Variants in SIGLEC12 observed in about 807,000 individuals in gnomAD.
SIGLEC12 encodes the protein sialic acid binding Ig like lectin 12.
SIGLEC12 carries 43 observed loss-of-function variants against 54.1 expected under a neutral mutation model. That is an observed-to-expected ratio of 0.80 (90% CI 0.62 to 1.03). The LOEUF (loss-of-function observed/expected upper bound fraction) is 1.03, where lower values mean the gene tolerates loss of function less well. SIGLEC12 is among the 50% of genes least tolerant of loss of function. SIGLEC12 has a pLI of 0.00. For synonymous variants in SIGLEC12, 357 were observed against 307.6 expected (o/e 1.16, Z -1.68); for missense variants, 802 against 735.2 (o/e 1.09, Z -1.05).
chr19:51,497,046 C>A, intron 6 of SIGLEC12, 70 bp from the exon 7 acceptor site: 1 of 1,610,110 alleles, frequency 6.2e-7, no homozygotes, highest in South Asian at 1.1e-5. Flanking sequence ...CAACCCCTGC[C>A]CTGTATTTCC....
rs1990322242 is a variant in SIGLEC12, at chr19:51,499,168, A to T, written c.1135+2T>A. 6.2e-7 allele frequency: 1 copy of T among 1,613,900 alleles called. No homozygotes were observed. Among genetic ancestry groups the T allele is most frequent in the African/African-American group, 1.3e-5 (1 of 74,902 alleles). On this transcript the variant is annotated splice_donor_variant, in intron 4 of 7. Coordinates refer to ENST00000291707, the MANE Select transcript of SIGLEC12 (RefSeq NM_053003.4). LOFTEE classifies it high-confidence loss of function. ...AGCCCCAGGGAGAGGACTCCATCTT[A>T]CCTGTGCCATCTCCTTGGAAGACAG...
At position 51,498,226 on chromosome 19, in the gene SIGLEC12, A is replaced by G. The variant is rs551035446; in HGVS notation, c.1197T>C (p.Leu399=). ...LSVLEGQSLH[L]VCAVDSNPPA... ...GGGGATTGCTGTCGACAGCACAGACAAGGTGCAGGGACTGGCCCTCCAGGA... is the reference window on the plus strand; with the variant it reads ...GGGGATTGCTGTCGACAGCACAGACGAGGTGCAGGGACTGGCCCTCCAGGA... The change falls in exon 5 of 8, where the codon CTT becomes CTC. Residue 399 remains leucine (L), a synonymous_variant. Transcript: ENST00000291707. 115 of 1,614,118 alleles carry G rather than the reference A, an allele frequency of 7.1e-5. No individual in the cohort carries two copies. In the East Asian group the frequency reaches 2.4e-3, roughly 33 times the overall value.
At chr19:51,497,011 T>A in intron 6 of SIGLEC12, 35 bp from the exon 7 acceptor site, 1 of 1,612,288 alleles carries the variant, frequency 6.2e-7, no homozygotes, top group Non-Finnish European at 8.5e-7. Flanking sequence ...TTCAGTGTGG[T>A]CAGATCGGGG....
chr19:51,493,995 G>C (rs59041340), intron 7 of SIGLEC12, among the ~76,000 whole-genome samples: 1 of 152,068 alleles, frequency 6.6e-6, no homozygotes, highest in Non-Finnish European at 1.5e-5. Flanking sequence ...TCCTGTTCTT[G>C]GCCTTGCTTC....
Position 51,499,719 on chromosome 19 carries a change from G to T in SIGLEC12, c.809-3C>A. On this transcript the variant is annotated splice_region_variant and splice_polypyrimidine_tract_variant and intron_variant, in intron 2 of 7. Transcript: ENST00000291707. ...GAAGGTGGGCATGTGAGTCAGGGCT[G>T]GTGATGAAAGGGAGACAGGCAAAAT... The T allele has an allele frequency of 1.2e-6, 2 of 1,613,548 alleles. No individual in the cohort carries two copies. Among genetic ancestry groups the T allele is most frequent in the Non-Finnish European group, 1.7e-6 (2 of 1,179,774 alleles).
chr19:51,498,327 G>A (rs926746936), intron 4 of SIGLEC12, 40 bp from the exon 5 acceptor site: 1 of 1,531,744 alleles, frequency 6.5e-7, no homozygotes, highest in African/African-American at 1.4e-5. Flanking sequence ...GAGACAAAGT[G>A]ATCGAGGCAG....
rs61412717 is a variant in SIGLEC12 at position 51,495,313 on chromosome 19, G to GTGGATGGATGGA, written c.1599+1555_1599+1566dup. 2.2e-4 allele frequency among the ~76,000 whole-genome samples: 13 copies of GTGGATGGATGGA among 60,410 alleles called. 1 individual carries two copies. The highest frequency in any genetic ancestry group is 6.2e-4 in the Admixed American group (3 of 4,846). The allele number at this position is 60,410 out of a possible 152,430, so 39.6% of individuals were successfully genotyped here. A position where few individuals can be genotyped will look rare whatever the true frequency, so the allele number is the denominator to read the frequency against. On this transcript the variant is annotated intron_variant, in intron 7 of 7. Transcript: ENST00000291707. ...GATGGATGGACGGACGGACGGGTGG[G>GTGGATGGATGGA]TGGATGGATGGATGGATGGATGGAT...
Position 51,500,028 on chromosome 19 carries a change from T to G in SIGLEC12, c.700A>C (p.Ser234Arg), listed in dbSNP as rs1990350144. 1 of 1,614,164 alleles carries G rather than the reference T, an allele frequency of 6.2e-7. No individual in the cohort carries two copies. Among genetic ancestry groups the G allele is most frequent in the Non-Finnish European group, 8.5e-7 (1 of 1,180,006 alleles). The part of the protein sequence containing the change: ...GDPQTNNCSL[S>R]IRDARKGDSG... ...TCCCCCTTCCTGGCATCTCTGATGC[T>G]CAGGGAGCAGTTGTTGGTCTGTGGG... is the stretch of plus-strand genomic sequence containing the variant. Residue 234 changes from serine to arginine, a missense_variant, in exon 2 of 8, where the codon AGC becomes CGC. Physicochemically the swap from Ser to Arg is moderately radical, Grantham distance 110 (BLOSUM62 -1). Transcript: ENST00000291707.
chr19:51,501,231 C>T (rs1329345844), intron 1 of SIGLEC12, 76 bp downstream of exon 1: 9 of 1,479,996 alleles, frequency 6.1e-6, no homozygotes, highest in African/African-American at 4.1e-5. Context: ...CCTCCCAGGA[C>T]ATGTGTCCCG....
At chr19:51,498,388 G>A in intron 4 of SIGLEC12, 101 bp from the exon 5 acceptor site, 2 of 1,058,252 alleles carry the variant, frequency 1.9e-6, no homozygotes, top group Non-Finnish European at 1.3e-6. Context: ...ACTGATACAT[G>A]CTGAATTGTA....
intron 4 of SIGLEC12, 102 bp downstream of exon 4, chr19:51,499,068 G>A (rs1201386519): frequency 7.9e-7 from 1 of 1,271,590 alleles, no homozygotes; most frequent in Non-Finnish European, 1.1e-6. Flanking sequence ...GGGGGGCCGG[G>A]GCTCACCCAC....
At chr19:51,496,360 C>T (rs112496920) in intron 7 of SIGLEC12, among the ~76,000 whole-genome samples, 101 of 151,958 alleles carry the variant, frequency 6.6e-4, no homozygotes, top group African/African-American at 2.4e-3. Flanking sequence ...CCCAGCTACT[C>T]GAGAGACTGA....
chr19:51,500,416 AG>A (rs763115082), intron 1 of SIGLEC12, 116 bp from the exon 2 acceptor site: 2 of 1,577,544 alleles, frequency 1.3e-6, no homozygotes, highest in Non-Finnish European at 1.7e-6. Flanking sequence ...TGAGCAGAGA[AG>A]GGGGAGGGAG....
Position 51,501,698 on chromosome 19 carries a change from G to C in SIGLEC12, c.36C>G (p.Leu12=), listed in dbSNP as rs765580092. The change falls in exon 1 of 8, where the codon CTC becomes CTG. Residue 12 remains leucine (L), a synonymous_variant. Coordinates refer to ENST00000291707, the MANE Select transcript of SIGLEC12 (RefSeq NM_053003.4). ...LLLLLLLPPL[L]CGRVGAKEQK... ...GTTCCTTAGCCCCCACTCTCCCACA[G>C]AGCAGGGGTGGCAGCAGTAGCAGCA... is the stretch of plus-strand genomic sequence containing the variant. The C allele has an allele frequency of 3.7e-6, 6 of 1,612,178 alleles. No individual in the cohort carries two copies. The highest frequency in any genetic ancestry group is 3.4e-6 in the Non-Finnish European group (4 of 1,178,614).
chr19:51,500,152 C>G lies in SIGLEC12; in HGVS notation c.576G>C (p.Lys192Asn). ...TATCCCATGGTATATCGGCCCCTTC[C>G]TTGAACCAGGATCCATAAACAGGGC... is the stretch of plus-strand genomic sequence containing the variant. ...ASSPVYGSWFKEGADIPWDIP... is the reference protein window; with the variant it reads ...ASSPVYGSWFNEGADIPWDIP... Residue 192 changes from lysine (K) to asparagine (N), a missense_variant, in exon 2 of 8, where the codon AAG (lysine) becomes AAC (asparagine). Lys to Asn is a moderately conservative substitution (Grantham distance 94). Transcript: ENST00000291707. 6.2e-7 allele frequency: 1 copy of G among 1,614,132 alleles called. No homozygotes were observed. The highest frequency in any genetic ancestry group is 8.5e-7 in the Non-Finnish European group (1 of 1,180,014).
rs372236004 is a variant in SIGLEC12, at chr19:51,497,404, C to T, written c.1447G>A (p.Gly483Arg). The T allele has an allele frequency of 2.4e-5, 39 of 1,613,230 alleles. No homozygotes were observed. Among genetic ancestry groups the T allele is most frequent in the Admixed American group, 8.3e-5 (5 of 59,990 alleles). ...ACCAGGGCTGTGGCTCCAGCTCCCC[C>T]GAATGCCCCTAGCGTCACTCCTGAT... ...PISGVTLGAF[G>R]GAGATALVFL... Residue 483 changes from glycine (G) to arginine (R), a missense_variant, in exon 6 of 8, where the codon GGG (glycine) becomes AGG (arginine). Coordinates refer to ENST00000291707, the MANE Select transcript of SIGLEC12 (RefSeq NM_053003.4).
At position 51,499,503 on chromosome 19, in the gene SIGLEC12, G is replaced by C; in HGVS notation, c.1022C>G (p.Thr341Ser). The change falls in exon 3 of 8, where the codon ACC becomes AGC. Residue 341 changes from threonine to serine, a missense_variant. Thr to Ser is a moderately conservative substitution (Grantham distance 58). Transcript: ENST00000291707. ...GGCCCCAGGCAAGGTCACCTGACAGGTGAGGCTGGTGCCATGGTCCTGGGG... is the reference window on the plus strand; with the variant it reads ...GGCCCCAGGCAAGGTCACCTGACAGCTGAGGCTGGTGCCATGGTCCTGGGG... ...PQPQDHGTSL[T>S]CQVTLPGAGV... 6.2e-7 allele frequency: 1 copy of C among 1,608,960 alleles called. No homozygotes were observed. The highest frequency in any genetic ancestry group is 8.5e-7 in the Non-Finnish European group (1 of 1,177,652).
Position 51,500,101 on chromosome 19 carries a change from A to T in SIGLEC12, c.627T>A (p.Ser209Arg). The T allele has an allele frequency of 6.2e-7, 1 of 1,613,850 alleles. No individual in the cohort carries two copies. The highest frequency in any genetic ancestry group is 8.5e-7 in the Non-Finnish European group (1 of 1,179,958). Residue 209 changes from serine (S) to arginine (R), a missense_variant, in exon 2 of 8, where the codon AGT becomes AGA. By Grantham distance (110) the Ser-to-Arg change is moderately radical. Coordinates refer to ENST00000291707, the MANE Select transcript of SIGLEC12 (RefSeq NM_053003.4). ...CGTGGGTATCCTCTTGCACTTTTCC[A>T]CTTGGGGTGTTTGTGGCCACTGGAA... Reference protein sequence around the residue: ...WDIPVATNTPSGKVQEDTHGR... With the variant: ...WDIPVATNTPRGKVQEDTHGR...
intron 7 of SIGLEC12, 134 bp from the exon 8 acceptor site, chr19:51,491,963 G>A (rs1044348810): frequency 2.6e-5 from 16 of 605,100 alleles, no homozygotes; most frequent in East Asian, 6.2e-5. Flanking sequence ...TCTTTAATAC[G>A]TTCCTCTAAT....
Sources: allele counts gnomAD v4.1 joint callset (sites outside exome capture counted in the v4.1 genomes callset), GRCh38; gene constraint gnomAD v4.1.1; transcripts MANE v1.5; gene names NCBI Gene and HGNC (gene_info 2026-07-23, HGNC 2026-07-21).